The following DYNLRB2 variants were observed in gnomAD, a reference collection of about 807,000 sequenced individuals.
DYNLRB2 encodes the protein dynein light chain roadblock-type 2.
In DYNLRB2, 14 loss-of-function variants were observed where a neutral mutation model predicts 12.6. That is an observed-to-expected ratio of 1.11 (90% CI 0.73 to 1.73). The LOEUF is 1.73. DYNLRB2 is among the 40% of genes most tolerant of loss of function. DYNLRB2 has a pLI of 0.00. For synonymous variants in DYNLRB2, 53 were observed against 37.0 expected, an observed-to-expected ratio of 1.43 and a Z score of -1.57; for missense variants, 142 against 117.7, an observed-to-expected ratio of 1.21 and a Z score of -0.95.
chr16:80,545,218 A>G (rs958733439), intron 2 of DYNLRB2, among the ~76,000 whole-genome samples: 3 of 152,132 alleles, frequency 2.0e-5, no homozygotes, highest in Admixed American at 6.5e-5. Context: ...ACTCCTAGCA[A>G]TTTATCCTAA....
intron 1 of DYNLRB2, 108 bp downstream of exon 1, chr16:80,541,187 C>T: frequency 2.7e-6 from 4 of 1,469,386 alleles, no homozygotes; most frequent in Non-Finnish European, 3.6e-6. Flanking sequence ...GTCCAGGGGC[C>T]GCGGCGGAGG....
intron 2 of DYNLRB2, chr16:80,548,817 C>A: frequency 5.4e-6 from 2 of 367,046 alleles, no homozygotes; most frequent in South Asian, 2.0e-5. Flanking sequence ...CACAGCAAAA[C>A]TACAATATCC....
chr16:80,546,454 T>C (rs924801642), intron 2 of DYNLRB2, among the ~76,000 whole-genome samples: 2 of 152,244 alleles, frequency 1.3e-5, no homozygotes, highest in African/African-American at 4.8e-5. Flanking sequence ...TTCATTTAGA[T>C]ATCATCATAT....
intron 1 of DYNLRB2, 168 bp downstream of exon 1, chr16:80,541,247 G>C: frequency 2.1e-6 from 2 of 958,686 alleles, no homozygotes; most frequent in Non-Finnish European, 2.5e-6. Flanking sequence ...ACCTTGGAAA[G>C]GGGCAAGAAG....
intron 2 of DYNLRB2, among the ~76,000 whole-genome samples, chr16:80,546,340 G>A (rs775233315): frequency 6.6e-6 from 1 of 152,168 alleles, no homozygotes; most frequent in African/African-American, 2.4e-5. Context: ...GGTGTTTTAT[G>A]TATTCTTGTT....
At chr16:80,549,378 C>T (rs908454812) in intron 2 of DYNLRB2, 106 bp from the exon 3 acceptor site, 7 of 1,163,964 alleles carry the variant, frequency 6.0e-6, no homozygotes, top group East Asian at 2.6e-5. Context: ...TAAGCCATCA[C>T]TTTTTTCTCT....
At position 80,547,561 on chromosome 16, in the gene DYNLRB2, A is replaced by T. The variant is rs532941480; in HGVS notation, c.80-1923A>T. On this transcript the variant is annotated intron_variant, in intron 2 of 3. Coordinates refer to ENST00000305904, the MANE Select transcript of DYNLRB2 (RefSeq NM_130897.3). The stretch of plus-strand genomic sequence containing the variant: ...TTGACTTGGATCATGAACAGACTAA[A>T]TAGACCTGAGCATCTGATTCATAAT... Among the ~76,000 whole-genome samples, 7 of 152,306 alleles carry T rather than the reference A, an allele frequency of 4.6e-5. No homozygotes were observed. The East Asian group carries it at 1.2e-3, about 25-fold the overall frequency.
At chr16:80,548,269 C>T (rs76329140) in intron 2 of DYNLRB2, 2,785 of 162,156 alleles carry the variant, frequency 0.017, 84 homozygotes, top group African/African-American at 0.063. Context: ...GGATTAGATA[C>T]GATATATATA....
intron 2 of DYNLRB2, among the ~76,000 whole-genome samples, chr16:80,545,635 A>G (rs1904405739): frequency 2.1e-5 from 3 of 142,746 alleles, no homozygotes; most frequent in African/African-American, 7.6e-5. Context: ...TCCGAAGGCA[A>G]CAAAATATTA....
In DYNLRB2 at chr16:80,550,769, G is replaced by T; in HGVS notation, c.*211G>T. On this transcript the variant is annotated 3_prime_UTR_variant, in exon 4 of 4. Coordinates refer to ENST00000305904, the MANE Select transcript of DYNLRB2 (RefSeq NM_130897.3). ...ACAATAAGTGAATTCTGGTATATAC[G>T]TCTCTATTGTCTTATAATACACAAA... 1.7e-6 allele frequency: 1 copy of T among 571,812 alleles called. No individual in the cohort carries two copies. Among genetic ancestry groups the T allele is most frequent in the Non-Finnish European group, 3.1e-6 (1 of 325,410 alleles). The allele number at this position is 571,812 out of a possible 1,614,324, so 35.4% of individuals were successfully genotyped here. A position where few individuals can be genotyped will look rare whatever the true frequency, so the allele number is the denominator to read the frequency against.
intron 2 of DYNLRB2, among the ~76,000 whole-genome samples, chr16:80,547,562 T>C (rs544777144): frequency 6.6e-6 from 1 of 152,328 alleles, no homozygotes; most frequent in African/African-American, 2.4e-5. Flanking sequence ...ACAGACTAAA[T>C]AGACCTGAGC....
At chr16:80,541,913 CA>C (rs1322677898) in intron 1 of DYNLRB2, among the ~76,000 whole-genome samples, 1 of 152,172 alleles carries the variant, frequency 6.6e-6, no homozygotes, top group Non-Finnish European at 1.5e-5. Context: ...AAGTCAGATG[CA>C]AACATTCGTT....
At chr16:80,544,105 T>A (rs534713233) in intron 2 of DYNLRB2, among the ~76,000 whole-genome samples, 1 of 152,360 alleles carries the variant, frequency 6.6e-6, no homozygotes, top group South Asian at 2.1e-4. Flanking sequence ...ACCATGGAAT[T>A]GGCCTATTAC....
At chr16:80,545,151 C>T (rs563248272) in intron 2 of DYNLRB2, among the ~76,000 whole-genome samples, 7 of 152,164 alleles carry the variant, frequency 4.6e-5, no homozygotes, top group Non-Finnish European at 8.8e-5. Context: ...AGTAGGTAAT[C>T]CTGGTGATAT....
chr16:80,543,097 G>A lies in DYNLRB2; in HGVS notation c.4-179G>A, dbSNP rs559955881. On this transcript the variant is annotated intron_variant, in intron 1 of 3. Transcript: ENST00000305904. ...CAGGATTGTATCCAGGAGGTCTTAC[G>A]TAGGTATTTATGTGGGACTTGACAA... Among the ~76,000 whole-genome samples, 7 of 152,300 alleles carry A rather than the reference G, an allele frequency of 4.6e-5. No individual in the cohort carries two copies. The East Asian group carries it at 7.7e-4, about 17-fold the overall frequency.
intron 2 of DYNLRB2, among the ~76,000 whole-genome samples, chr16:80,546,178 G>T (rs947572111): frequency 1.3e-5 from 2 of 152,140 alleles, no homozygotes; most frequent in African/African-American, 4.8e-5. Flanking sequence ...ATGGCATATG[G>T]TGTAAGCTAC....
At chr16:80,542,581 C>CT (rs1007003057) in intron 1 of DYNLRB2, among the ~76,000 whole-genome samples, 1 of 152,196 alleles carries the variant, frequency 6.6e-6, no homozygotes, top group African/African-American at 2.4e-5. Flanking sequence ...TCGTTCTTGT[C>CT]TTTGAGTTTT....
Position 80,548,560 on chromosome 16 carries a change from A to G in DYNLRB2, c.80-924A>G, listed in dbSNP as rs532908691. 1.6e-3 allele frequency among the ~76,000 whole-genome samples: 248 copies of G among 152,222 alleles called. 2 individuals carry two copies. The highest frequency in any genetic ancestry group is 5.7e-3 in the African/African-American group (236 of 41,548). On this transcript the variant is annotated intron_variant, in intron 2 of 3. Coordinates refer to ENST00000305904, the MANE Select transcript of DYNLRB2 (RefSeq NM_130897.3). ...AACATGGTGAAACCCTGTCTCTACT[A>G]AAAATACAACAATTAGCCGGGCGTG...
intron 2 of DYNLRB2, chr16:80,548,068 T>C (rs1448079744): frequency 2.4e-5 from 7 of 290,804 alleles, no homozygotes; most frequent in Admixed American, 9.6e-5. Flanking sequence ...TAATCGTTTC[T>C]GGACCCACAT....
Sources: gnomAD v4.1 joint callset for allele counts (sites outside exome capture counted in the v4.1 genomes callset) on GRCh38, gnomAD v4.1.1 for gene constraint, MANE v1.5 for transcripts, NCBI Gene and HGNC (gene_info 2026-07-23, HGNC 2026-07-21) for gene names.